UNC79: variants seen among roughly 807,000 people sequenced by gnomAD.
The protein encoded by UNC79 is protein unc-79 homolog.
A neutral mutation model predicts 283.1 loss-of-function variants in UNC79; 37 were observed. The observed-to-expected ratio is 0.13, with a 90% confidence interval of 0.10 to 0.17. The LOEUF (loss-of-function observed/expected upper bound fraction) is 0.17. Ranked by LOEUF, UNC79 falls within the 10% of genes least tolerant of loss-of-function variation. The probability of loss-of-function intolerance (pLI) is 1.00; values close to 1 mark genes in which losing one functional copy is unlikely to be tolerated. For synonymous variants in UNC79, 1,107 were observed against 1,200.2 expected, an observed-to-expected ratio of 0.92 and a Z score of 1.61; for missense variants, 2,272 against 3,211.1, an observed-to-expected ratio of 0.71 and a Z score of 7.07.
At chr14:93,405,604 T>C (rs1328648144) in intron 1 of UNC79, among the ~76,000 whole-genome samples, 1 of 152,010 alleles carries the variant, frequency 6.6e-6, no homozygotes, top group African/African-American at 2.4e-5. Flanking sequence ...GTCTCAAAAT[T>C]CAAAGAACTA....
intron 5 of UNC79, among the ~76,000 whole-genome samples, chr14:93,493,508 G>A (rs77101531): frequency 0.012 from 1,861 of 152,282 alleles, 32 homozygotes; most frequent in African/African-American, 0.039. Flanking sequence ...TTGCATTTGC[G>A]TAAGCACTTC....
intron 1 of UNC79, among the ~76,000 whole-genome samples, chr14:93,365,061 T>C (rs1260985646): frequency 1.3e-5 from 2 of 151,756 alleles, no homozygotes; most frequent in Non-Finnish European, 1.5e-5. Context: ...AGGGAGACCC[T>C]ATCTCTACAA....
chr14:93,613,017 C>T (rs2066418783), exon 27 of UNC79: 2 of 1,614,068 alleles, frequency 1.2e-6, no homozygotes, highest in African/African-American at 2.7e-5. Context: ...AAGGTTGCTT[C>T]ATGATTGCAC....
At chr14:93,456,785 A>G (rs1293161148) in intron 1 of UNC79, among the ~76,000 whole-genome samples, 6 of 152,154 alleles carry the variant, frequency 3.9e-5, no homozygotes, top group Non-Finnish European at 8.8e-5. Context: ...ATATCATCCT[A>G]TAACCATGAG....
At chr14:93,511,439 T>G (rs1483966230) in intron 7 of UNC79, among the ~76,000 whole-genome samples, 1 of 152,070 alleles carries the variant, frequency 6.6e-6, no homozygotes, top group Non-Finnish European at 1.5e-5. Flanking sequence ...TAGTTTTTAT[T>G]TTTTATATTT....
chr14:93,498,612 C>T (rs1244943805), intron 7 of UNC79, among the ~76,000 whole-genome samples: 1 of 151,798 alleles, frequency 6.6e-6, no homozygotes, highest in African/African-American at 2.4e-5. Context: ...AAAAAAATGA[C>T]CCCGATAGCC....
intron 35 of UNC79, among the ~76,000 whole-genome samples, chr14:93,650,363 T>C (rs1296663776): frequency 2.0e-5 from 3 of 152,142 alleles, no homozygotes; most frequent in African/African-American, 4.8e-5. Context: ...TAGGTATATG[T>C]TTAATTTTAT....
chr14:93,655,089 G>T, intron 37 of UNC79, 145 bp from the exon 41 acceptor site: 1 of 760,694 alleles, frequency 1.3e-6, no homozygotes, highest in Non-Finnish European at 2.0e-6. Flanking sequence ...TATCCTTCCA[G>T]TCTATCACAG....
At chr14:93,700,369 C>G (rs1445217630) in intron 47 of UNC79, among the ~76,000 whole-genome samples, 1 of 152,096 alleles carries the variant, frequency 6.6e-6, no homozygotes, top group East Asian at 1.9e-4. Context: ...TATTCAGTGC[C>G]TCTACTCAAC....
At chr14:93,535,117 T>C (rs1027580117) in intron 11 of UNC79, among the ~76,000 whole-genome samples, 15 of 152,186 alleles carry the variant, frequency 9.9e-5, no homozygotes, top group African/African-American at 3.6e-4. Context: ...GTTATTTCTA[T>C]GTGTTTAAAA....
At chr14:93,542,401 G>A in intron 13 of UNC79, 65 bp from the exon 14 acceptor site, 1 of 1,477,620 alleles carries the variant, frequency 6.8e-7, no homozygotes, top group Non-Finnish European at 9.2e-7. Context: ...GCCTCTTAAT[G>A]CACCTATAAT....
chr14:93,403,017 G>A (rs1235797017), intron 1 of UNC79, among the ~76,000 whole-genome samples: 2 of 152,220 alleles, frequency 1.3e-5, no homozygotes, highest in Admixed American at 6.5e-5. Flanking sequence ...AGAAAGTCAC[G>A]ACAACTCAAA....
At chr14:93,487,850 A>T (rs999802030) in intron 5 of UNC79, 95 bp downstream of exon 5, 1 of 1,154,814 alleles carries the variant, frequency 8.7e-7, no homozygotes, top group East Asian at 2.4e-5. Context: ...TGAGAACGTC[A>T]TCATCATAGA....
intron 26 of UNC79, among the ~76,000 whole-genome samples, chr14:93,607,719 G>A (rs1204499501): frequency 6.6e-6 from 1 of 152,164 alleles, no homozygotes; most frequent in African/African-American, 2.4e-5. Context: ...GCCTCAGCCT[G>A]CAGAGAAACC....
At chr14:93,538,192 G>A (rs770271445) in exon 12 of UNC79, 12 of 1,606,384 alleles carry the variant, frequency 7.5e-6, no homozygotes, top group Non-Finnish European at 1.0e-5. Context: ...CTGAGGAGCT[G>A]GTCTGCGCCG....
At chr14:93,423,641 T>G (rs2055659440) in intron 1 of UNC79, among the ~76,000 whole-genome samples, 1 of 152,214 alleles carries the variant, frequency 6.6e-6, no homozygotes, top group African/African-American at 2.4e-5. Flanking sequence ...TAAATGGTGC[T>G]TGGAAAACTG....
At chr14:93,345,959 A>G (rs1566881521) in intron 1 of UNC79, among the ~76,000 whole-genome samples, 2 of 150,990 alleles carry the variant, frequency 1.3e-5, no homozygotes, top group African/African-American at 2.4e-5. Flanking sequence ...TATTGGCATT[A>G]TATTTATCGG....
rs868785785 is a variant in UNC79 at position 93,572,582 on chromosome 14, A to G, written c.1947-111A>G. The G allele has an allele frequency of 3.4e-5, 51 of 1,481,034 alleles. 2 individuals carry two copies. The Middle Eastern group carries it at 7.5e-3, about 219-fold the overall frequency. 91.7% of individuals were successfully genotyped at this position (1,481,034 alleles called of 1,614,324 possible). On this transcript the variant is annotated intron_variant, in intron 15 of 48. Transcript: ENST00000555664. Reference sequence around the variant, plus strand: ...TGATAACAGTTCAGAATACAAACTAATCTAAAAGGCTTGGCTCTCCAAATA... The same window carrying G: ...TGATAACAGTTCAGAATACAAACTAGTCTAAAAGGCTTGGCTCTCCAAATA...
chr14:93,364,167 A>G (rs796533519), intron 1 of UNC79, among the ~76,000 whole-genome samples: 3 of 152,276 alleles, frequency 2.0e-5, no homozygotes, highest in African/African-American at 2.4e-5. Flanking sequence ...TGAATTTCAC[A>G]AAGTTAGTAT....
Sources: allele counts gnomAD v4.1 joint callset (sites outside exome capture counted in the v4.1 genomes callset), GRCh38; gene constraint gnomAD v4.1.1; transcripts MANE v1.5; gene names NCBI Gene and HGNC (gene_info 2026-07-23, HGNC 2026-07-21).